Variants in USP53 observed in about 807,000 individuals in gnomAD.
The protein encoded by USP53 is ubiquitin specific peptidase 53.
Under a neutral mutation model 94.9 loss-of-function variants are expected in USP53, and 71 were observed. That is an observed-to-expected ratio of 0.75 (90% CI 0.62 to 0.91). The LOEUF is 0.91. USP53 is among the 40% of genes least tolerant of loss of function. The pLI, the probability that USP53 is intolerant of heterozygous loss-of-function variation, is 0.00. For synonymous variants in USP53, 375 were observed against 422.7 expected (o/e 0.89, Z 1.39); for missense variants, 1,173 against 1,281.0 (o/e 0.92, Z 1.29).
Position 119,261,731 on chromosome 4 carries a change from C to A in USP53, c.839C>A (p.Thr280Asn). 6.4e-7 allele frequency: 1 copy of A among 1,568,004 alleles called. No homozygotes were observed. Among genetic ancestry groups the A allele is most frequent in the Non-Finnish European group, 8.7e-7 (1 of 1,147,866 alleles). Residue 280 changes from threonine (T) to asparagine (N), a missense_variant, in exon 12 of 19, where the codon ACT becomes AAT. Coordinates refer to ENST00000692078, the MANE Select transcript of USP53 (RefSeq NM_001371395.1). ...LYLPGLFYRVTDENAKNSELN... is the reference protein window; with the variant it reads ...LYLPGLFYRVNDENAKNSELN... ...TTTAAACAGCTTTTTTATAGAGTTACTGATGAAAATGCCAAAAATAGTGAA... is the reference window on the plus strand; with the variant it reads ...TTTAAACAGCTTTTTTATAGAGTTAATGATGAAAATGCCAAAAATAGTGAA...
intron 12 of USP53, among the ~76,000 whole-genome samples, 157 bp from the exon 13 acceptor site, chr4:119,267,163 T>C (rs1316746583): frequency 3.9e-5 from 6 of 152,224 alleles, no homozygotes; most frequent in Non-Finnish European, 5.9e-5. Context: ...TTAGACTAGT[T>C]ACTAAATACA....
intron 17 of USP53, among the ~76,000 whole-genome samples, chr4:119,286,486 T>C (rs1754133554): frequency 6.6e-6 from 1 of 152,000 alleles, no homozygotes; most frequent in African/African-American, 2.4e-5. Context: ...ATAACATATC[T>C]ATTTTTAAGT....
chr4:119,215,218 G>A (rs1001368544), intron 2 of USP53, among the ~76,000 whole-genome samples: 1 of 152,078 alleles, frequency 6.6e-6, no homozygotes, highest in Non-Finnish European at 1.5e-5. Flanking sequence ...GCAGAGCTAG[G>A]TAGAAATTAA....
intron 13 of USP53, among the ~76,000 whole-genome samples, chr4:119,267,920 T>C (rs1478322937): frequency 6.6e-6 from 1 of 151,612 alleles, no homozygotes; most frequent in Non-Finnish European, 1.5e-5. Flanking sequence ...GTAATCCCAA[T>C]GCTTTGGGAG....
intron 9 of USP53, among the ~76,000 whole-genome samples, chr4:119,258,295 G>T (rs893526768): frequency 1.3e-5 from 2 of 152,182 alleles, no homozygotes; most frequent in African/African-American, 2.4e-5. Flanking sequence ...CAGATTTAGG[G>T]CTTTCTAGTG....
At chr4:119,219,724 A>G (rs1023274945) in intron 3 of USP53, 1 of 152,264 alleles carries the variant, frequency 6.6e-6, no homozygotes, top group South Asian at 2.1e-4. Flanking sequence ...TAATTTATAT[A>G]GCATGGTGAA....
At chr4:119,215,348 A>G (rs1743572252) in intron 2 of USP53, among the ~76,000 whole-genome samples, 1 of 152,252 alleles carries the variant, frequency 6.6e-6, no homozygotes, top group South Asian at 2.1e-4. Flanking sequence ...GCTCTACTAC[A>G]AGTAAAAATC....
chr4:119,241,401 C>T (rs971858250), intron 5 of USP53, among the ~76,000 whole-genome samples: 8 of 152,006 alleles, frequency 5.3e-5, no homozygotes, highest in Admixed American at 3.9e-4. Flanking sequence ...TCTTGTAATA[C>T]AGGTTTATTG....
At chr4:119,257,397 G>A (rs1365107646) in intron 9 of USP53, among the ~76,000 whole-genome samples, 4 of 152,114 alleles carry the variant, frequency 2.6e-5, no homozygotes, top group South Asian at 4.1e-4. Context: ...CTGAGATTGC[G>A]CCACTGCACT....
At chr4:119,224,256 C>T (rs1210451129) in intron 3 of USP53, among the ~76,000 whole-genome samples, 2 of 152,198 alleles carry the variant, frequency 1.3e-5, no homozygotes, top group African/African-American at 4.8e-5. Flanking sequence ...CCTTGGCCTC[C>T]CAAAGTGTTG....
intron 12 of USP53, among the ~76,000 whole-genome samples, chr4:119,264,462 C>T (rs1750877187): frequency 6.6e-6 from 1 of 152,070 alleles, no homozygotes; most frequent in East Asian, 1.9e-4. Flanking sequence ...ATTTGTGAAG[C>T]ATTTATCTAA....
At chr4:119,227,256 TACACACACAC>T (rs3138727) in intron 3 of USP53, among the ~76,000 whole-genome samples, 22,605 of 125,074 alleles carry the variant, frequency 0.18, 2,239 homozygotes, top group East Asian at 0.52. Flanking sequence ...TGTCTAACAC[TACACACACAC>T]ACACACACAC....
intron 12 of USP53, chr4:119,266,428 C>G (rs1751135299): frequency 6.8e-6 from 3 of 442,122 alleles, no homozygotes; most frequent in Non-Finnish European, 1.4e-5. Flanking sequence ...ATGAGAGTTC[C>G]TGTTGTTCCA....
Position 119,289,800 on chromosome 4 carries a change from A to T in USP53, c.2252-1365A>T, listed in dbSNP as rs149455371. On this transcript the variant is annotated intron_variant, in intron 17 of 18. Transcript: ENST00000692078. ...TCAGATATAAAGCACTTGTTCTCCC[A>T]TAAGGGGGAATCAAAAACTGAGATG... Among the ~76,000 whole-genome samples the T allele has an allele frequency of 1.6e-4, 25 of 152,350 alleles. 1 individual carries two copies. In the East Asian group the frequency reaches 4.6e-3, roughly 28 times the overall value.
chr4:119,281,142 A>G (rs984830108), intron 17 of USP53, among the ~76,000 whole-genome samples: 2 of 152,222 alleles, frequency 1.3e-5, no homozygotes, highest in African/African-American at 2.4e-5. Flanking sequence ...TTAGCAACAC[A>G]TAACAGCCCA....
intron 4 of USP53, among the ~76,000 whole-genome samples, chr4:119,238,179 C>T (rs11944880): frequency 0.29 from 44,350 of 152,096 alleles, 6,605 homozygotes; most frequent in East Asian, 0.39. Flanking sequence ...TGTAGGAAGC[C>T]TACCTTTCTG....
chr4:119,253,367 A>T (rs1749299176), intron 7 of USP53, among the ~76,000 whole-genome samples: 2 of 151,952 alleles, frequency 1.3e-5, no homozygotes, highest in Non-Finnish European at 2.9e-5. Flanking sequence ...CCTTTGTAGA[A>T]ATCTAAGGAC....
chr4:119,216,248 G>A (rs1743731268), intron 2 of USP53, among the ~76,000 whole-genome samples: 1 of 152,078 alleles, frequency 6.6e-6, no homozygotes, highest in African/African-American at 2.4e-5. Context: ...AGGCGTGGTG[G>A]TGCACACCTG....
chr4:119,240,400 G>A (rs1747361945), intron 5 of USP53, among the ~76,000 whole-genome samples: 1 of 152,108 alleles, frequency 6.6e-6, no homozygotes, highest in Non-Finnish European at 1.5e-5. Context: ...TAAATTGAAG[G>A]ATAATCCATT....
Sources: gnomAD v4.1 joint callset for allele counts (sites outside exome capture counted in the v4.1 genomes callset) on GRCh38, gnomAD v4.1.1 for gene constraint, MANE v1.5 for transcripts, NCBI Gene and HGNC (gene_info 2026-07-23, HGNC 2026-07-21) for gene names.